The following ZNF367 variants were observed in gnomAD, a reference collection of about 807,000 sequenced individuals.
ZNF367 encodes C2H2 zinc finger protein ZFF29.
A neutral mutation model predicts 31.8 loss-of-function variants in ZNF367; 11 were observed. The observed-to-expected ratio is 0.35, with a 90% CI of 0.22 to 0.57. ZNF367 has a LOEUF of 0.57. Ranked by LOEUF, ZNF367 falls within the 20% of genes least tolerant of loss-of-function variation. The pLI is 0.85. For synonymous variants in ZNF367, 199 were observed against 202.4 expected (o/e 0.98, Z 0.14); for missense variants, 353 against 484.1 (o/e 0.73, Z 2.54).
Position 96,388,317 on chromosome 9 carries a change from G to A in ZNF367, c.973C>T (p.Gln325Ter), listed in dbSNP as rs1225781194. The change falls in exon 5 of 5, where the codon CAG becomes TAG. Residue 325 changes from glutamine (Q) to a stop codon, truncating the protein, a stop_gained. Coordinates refer to ENST00000375256, the MANE Select transcript of ZNF367 (RefSeq NM_153695.4). LOFTEE classifies it high-confidence loss of function. Reference protein sequence around the residue: ...DEKRGAQRRLQEQRERLHGAL... With the variant: ...DEKRGAQRRL ...CCATGCAGGCGCTCCCGCTGCTCCT[G>A]CAGCCGGCGCTGGGCCCCTCTCTTC... 6.2e-7 allele frequency: 1 copy of A among 1,612,430 alleles called. No homozygotes were observed.
Position 96,417,750 on chromosome 9 carries a change from G to A in ZNF367, c.283C>T (p.Leu95=). Residue 95 remains leucine, a synonymous_variant, in exon 1 of 5, where the codon CTG becomes TTG. Coordinates refer to ENST00000375256, the MANE Select transcript of ZNF367 (RefSeq NM_153695.4). The surrounding 1 kb of genome is among the most constrained non-coding windows in gnomAD (Gnocchi z 5.0). ...TGCTCGGCGGCTGCGGCTGCAGGCA[G>A]GGCGGCCGAGGCGGCGGCCCCCGCG... ...GAAGAAASAA[L]PAAAAAEHSG... is the part of the protein sequence containing the mutation. 4 of 1,233,432 alleles carry A rather than the reference G, an allele frequency of 3.2e-6. No homozygotes were observed. The highest frequency in any genetic ancestry group is 4.1e-6 in the Non-Finnish European group (4 of 987,250). 76.4% of individuals were successfully genotyped at this position (1,233,432 alleles called of 1,614,324 possible). A position where few individuals can be genotyped will look rare whatever the true frequency, so the allele number is the denominator to read the frequency against.
intron 1 of ZNF367, among the ~76,000 whole-genome samples, chr9:96,401,326 G>C (rs1013249731): frequency 2.0e-5 from 3 of 152,088 alleles, no homozygotes; most frequent in African/African-American, 7.2e-5. Flanking sequence ...AGGAGCTCGA[G>C]ACCGGCCTGA....
Position 96,386,366 on chromosome 9 carries a change from CTTTAG to C in ZNF367, c.*1866_*1870del, listed in dbSNP as rs996606202. On this transcript the variant is annotated 3_prime_UTR_variant, in exon 5 of 5. Coordinates refer to ENST00000375256, the MANE Select transcript of ZNF367 (RefSeq NM_153695.4). ...TGAAAAATTCTTACTACCCTTCCTT[CTTTAG>C]TTAAGTTGATCAAAGTTCAAATTTC... 1 of 152,088 alleles carries C rather than the reference CTTTAG, an allele frequency of 6.6e-6. No individual in the cohort carries two copies. The highest frequency in any genetic ancestry group is 1.5e-5 in the Non-Finnish European group (1 of 67,974). The allele number at this position is 152,088 out of a possible 1,614,324, so 9.4% of individuals were successfully genotyped here. A position where few individuals can be genotyped will look rare whatever the true frequency, so the allele number is the denominator to read the frequency against.
At chr9:96,405,150 C>T (rs1831656004) in intron 1 of ZNF367, among the ~76,000 whole-genome samples, 2 of 151,734 alleles carry the variant, frequency 1.3e-5, no homozygotes, top group African/African-American at 4.8e-5. Context: ...GGTGAAACCC[C>T]GTTTCTACTA....
chr9:96,414,160 T>C (rs971206157), intron 1 of ZNF367, among the ~76,000 whole-genome samples: 3 of 152,216 alleles, frequency 2.0e-5, no homozygotes, highest in Non-Finnish European at 4.4e-5. Flanking sequence ...TTTTTCCTTC[T>C]TGCCCCCACA....
chr9:96,414,278 C>T (rs1831789358), intron 1 of ZNF367, among the ~76,000 whole-genome samples: 3 of 152,100 alleles, frequency 2.0e-5, no homozygotes, highest in Non-Finnish European at 4.4e-5. Flanking sequence ...ATGTGGATTG[C>T]TTCATCAATA....
intron 1 of ZNF367, among the ~76,000 whole-genome samples, chr9:96,414,805 G>A (rs1238101062): frequency 2.0e-5 from 3 of 152,058 alleles, no homozygotes; most frequent in East Asian, 1.9e-4. Flanking sequence ...AAATGTCTGG[G>A]TAAGGACAAG....
intron 2 of ZNF367, among the ~76,000 whole-genome samples, chr9:96,396,640 A>C (rs1587743058): frequency 6.6e-6 from 1 of 152,216 alleles, no homozygotes. Flanking sequence ...AAGGCACATT[A>C]GAAAAAGTAA....
At chr9:96,397,439 T>A (rs1041975621) in intron 2 of ZNF367, among the ~76,000 whole-genome samples, 1 of 152,174 alleles carries the variant, frequency 6.6e-6, no homozygotes, top group Non-Finnish European at 1.5e-5. Flanking sequence ...AATGCTTAGG[T>A]CAAATGTCCT....
intron 1 of ZNF367, among the ~76,000 whole-genome samples, chr9:96,400,414 GAAAAGAAAAAGGA>G (rs1432388233): frequency 7.0e-6 from 1 of 142,348 alleles, no homozygotes; most frequent in Non-Finnish European, 1.5e-5. Context: ...AAAAAAAAAG[GAAAAGAAAAAGGA>G]AAAAGAATGA....
rs1012113811 is a variant in ZNF367, at chr9:96,418,047, C to T, written c.-15G>A. The T allele has an allele frequency of 3.3e-5, 45 of 1,356,806 alleles. No homozygotes were observed. The highest frequency in any genetic ancestry group is 2.6e-4 in the Middle Eastern group (1 of 3,870). 84.0% of individuals were successfully genotyped at this position (1,356,806 alleles called of 1,614,324 possible). A position where few individuals can be genotyped will look rare whatever the true frequency, so the allele number is the denominator to read the frequency against. ...CCCCGGATCATCGCCCGGCCCGACC[C>T]CCAGCTCCGGCGGCCCCGGGCCGCA... On this transcript the variant is annotated 5_prime_UTR_variant, in exon 1 of 5. Transcript: ENST00000375256.
chr9:96,399,340 G>A (rs1444726371), intron 1 of ZNF367, among the ~76,000 whole-genome samples: 1 of 151,950 alleles, frequency 6.6e-6, no homozygotes, highest in Non-Finnish European at 1.5e-5. Context: ...TCTTTTTTGG[G>A]GGATGGTGGA....
Position 96,418,301 on chromosome 9 carries a change from G to A in ZNF367, c.-269C>T. On this transcript the variant is annotated 5_prime_UTR_variant, in exon 1 of 5. Coordinates refer to ENST00000375256, the MANE Select transcript of ZNF367 (RefSeq NM_153695.4). Reference sequence around the variant, plus strand: ...GGGGTGGGAAGCAGCGGGCGGCCCGGCCCTTGCGGTGACAGGAAAGCAGGA... The same window carrying A: ...GGGGTGGGAAGCAGCGGGCGGCCCGACCCTTGCGGTGACAGGAAAGCAGGA... 1 of 417,514 alleles carries A rather than the reference G, an allele frequency of 2.4e-6. No individual in the cohort carries two copies. Among genetic ancestry groups the A allele is most frequent in the Non-Finnish European group, 4.1e-6 (1 of 246,786 alleles). The allele number at this position is 417,514 out of a possible 1,614,324, so 25.9% of individuals were successfully genotyped here.
chr9:96,401,181 G>A (rs551800215), intron 1 of ZNF367, among the ~76,000 whole-genome samples: 35 of 152,138 alleles, frequency 2.3e-4, no homozygotes, highest in African/African-American at 6.7e-4. Context: ...AGCCATGATC[G>A]CGCCACTGGA....
At position 96,417,860 on chromosome 9, in the gene ZNF367, G is replaced by A; in HGVS notation, c.173C>T (p.Pro58Leu). The A allele has an allele frequency of 6.6e-7, 1 of 1,518,156 alleles. No individual in the cohort carries two copies. Among genetic ancestry groups the A allele is most frequent in the Non-Finnish European group, 8.8e-7 (1 of 1,141,490 alleles). The allele number at this position is 1,518,156 out of a possible 1,614,324, so 94.0% of individuals were successfully genotyped here. Reference sequence around the variant, plus strand: ...GAAGTCGCTGAAGCCGGGGCTGGTGGGGATGAGCGGCGGCGGCGGCTCCGG... The same window carrying A: ...GAAGTCGCTGAAGCCGGGGCTGGTGAGGATGAGCGGCGGCGGCGGCTCCGG... ...GEPEPPPPLIPTSPGFSDFMV... is the reference protein window; with the variant it reads ...GEPEPPPPLILTSPGFSDFMV... Residue 58 changes from proline to leucine, a missense_variant, in exon 1 of 5, where the codon CCC becomes CTC. Physicochemically the swap from Pro to Leu is moderately conservative, Grantham distance 98. Coordinates refer to ENST00000375256, the MANE Select transcript of ZNF367 (RefSeq NM_153695.4). This position sits in a 1 kb window ranked among gnomAD's most constrained non-coding sequence, Gnocchi z 5.0.
chr9:96,402,203 C>T (rs1382863077), intron 1 of ZNF367, among the ~76,000 whole-genome samples: 1 of 151,900 alleles, frequency 6.6e-6, no homozygotes, highest in Non-Finnish European at 1.5e-5. Context: ...TTGCAGTGAG[C>T]CGAGTTCGCA....
intron 3 of ZNF367, among the ~76,000 whole-genome samples, chr9:96,393,984 T>G (rs1052434209): frequency 6.6e-6 from 1 of 152,216 alleles, no homozygotes; most frequent in African/African-American, 2.4e-5. Context: ...TGCACGGAAC[T>G]TCAAATATAC....
chr9:96,411,273 C>T (rs1168855709), intron 1 of ZNF367, among the ~76,000 whole-genome samples: 3 of 152,074 alleles, frequency 2.0e-5, no homozygotes, highest in Admixed American at 6.5e-5. Context: ...AAAGGCTGGG[C>T]GCCGTGGCTC....
In ZNF367 at chr9:96,388,427, G is replaced by C. The variant is rs1227844071; in HGVS notation, c.863C>G (p.Thr288Ser). Residue 288 changes from threonine (T) to serine (S), a missense_variant, in exon 5 of 5, where the codon ACT becomes AGT. By Grantham distance (58) the Thr-to-Ser change is moderately conservative. Around this residue, in one of 5 missense-constraint regions of ZNF367, gnomAD observed 101 missense variants for 140.0 expected, o/e 0.72. Coordinates refer to ENST00000375256, the MANE Select transcript of ZNF367 (RefSeq NM_153695.4). The part of the protein sequence containing the change: ...YWEMREQRTP[T>S]LKGKLVQKAD... ...CTTCTGAACCAGCTTGCCTTTCAAA[G>C]TGGGGGTGCGCTGCTCTCTCATTTC... 6.2e-7 allele frequency: 1 copy of C among 1,613,856 alleles called. No homozygotes were observed. The highest frequency in any genetic ancestry group is 8.5e-7 in the Non-Finnish European group (1 of 1,180,034).
Sources: allele counts gnomAD v4.1 joint callset (sites outside exome capture counted in the v4.1 genomes callset), GRCh38; gene constraint gnomAD v4.1.1; regional missense constraint gnomAD v4.1.1; non-coding constraint Gnocchi (gnomAD v3.1); transcripts MANE v1.5; gene names NCBI Gene and HGNC (gene_info 2026-07-23, HGNC 2026-07-21).